Variants in NEK11 observed in about 807,000 individuals in gnomAD.
The protein encoded by NEK11 is serine/threonine-protein kinase Nek11.
NEK11 carries 72 observed loss-of-function variants against 80.7 expected under a neutral mutation model. The ratio of observed to expected loss-of-function variants is 0.89; its 90% CI spans 0.74 to 1.08. The LOEUF (loss-of-function observed/expected upper bound fraction) is 1.08. Among genes scored for constraint, NEK11 ranks in the 50% least tolerant of loss-of-function variants. The pLI, the probability that NEK11 is intolerant of heterozygous loss-of-function variation, is 0.00. For synonymous variants in NEK11, 251 were observed against 260.7 expected (o/e 0.96, Z 0.36); for missense variants, 764 against 763.6 (o/e 1.00, Z -0.01).
intron 4 of NEK11, chr3:131,109,502 A>C (rs998644933): frequency 2.0e-5 from 4 of 195,602 alleles, no homozygotes; most frequent in African/African-American, 9.3e-5. Flanking sequence ...GAGTTTTCTC[A>C]GGTAGGAACT....
chr3:131,236,480 C>A (rs1011214505), intron 15 of NEK11, among the ~76,000 whole-genome samples: 1 of 152,196 alleles, frequency 6.6e-6, no homozygotes. Context: ...AGCAATCCCA[C>A]AGGCATTGAC....
chr3:131,058,516 G>A (rs1285657949), intron 3 of NEK11, among the ~76,000 whole-genome samples: 1 of 152,084 alleles, frequency 6.6e-6, no homozygotes, highest in Non-Finnish European at 1.5e-5. Flanking sequence ...GGACATTGAG[G>A]AATCTCCCCT....
intron 14 of NEK11, among the ~76,000 whole-genome samples, chr3:131,215,787 G>A (rs1024159659): frequency 6.6e-6 from 1 of 152,152 alleles, no homozygotes; most frequent in African/African-American, 2.4e-5. Flanking sequence ...ATGGTAGATG[G>A]TGTGCTGGCC....
chr3:131,046,821 G>A (rs566747514), intron 3 of NEK11, among the ~76,000 whole-genome samples: 8 of 152,208 alleles, frequency 5.3e-5, no homozygotes, highest in Non-Finnish European at 1.2e-4. Context: ...TGAGCTTCTC[G>A]TATTTGGATG....
chr3:131,100,314 G>C (rs1274141743), intron 4 of NEK11, among the ~76,000 whole-genome samples: 4 of 152,134 alleles, frequency 2.6e-5, no homozygotes, highest in Non-Finnish European at 5.9e-5. Flanking sequence ...AGGCCTACTT[G>C]GGCCAGGCAT....
At chr3:131,326,830 CTT>C (rs1282459240) in intron 17 of NEK11, among the ~76,000 whole-genome samples, 1 of 152,190 alleles carries the variant, frequency 6.6e-6, no homozygotes, top group African/African-American at 2.4e-5. Context: ...CATATGGAAA[CTT>C]AATCTTCATT....
intron 15 of NEK11, among the ~76,000 whole-genome samples, chr3:131,236,948 G>C (rs1458078075): frequency 6.6e-6 from 1 of 152,188 alleles, no homozygotes; most frequent in Admixed American, 6.5e-5. Context: ...AGGTCACCTT[G>C]GTGTTTTGGT....
intron 14 of NEK11, among the ~76,000 whole-genome samples, chr3:131,195,571 T>C (rs1244302738): frequency 1.3e-5 from 2 of 151,936 alleles, no homozygotes; most frequent in East Asian, 3.9e-4. Flanking sequence ...ATAAATTAGA[T>C]CTCATGTGTT....
intron 3 of NEK11, among the ~76,000 whole-genome samples, chr3:131,030,204 C>T (rs528653563): frequency 3.8e-4 from 57 of 151,666 alleles, no homozygotes; most frequent in African/African-American, 1.3e-3. Flanking sequence ...ATGCCACTGC[C>T]CTCCAGCCTG....
chr3:131,109,739 T>A (rs759743303), intron 4 of NEK11, 64 bp from the exon 5 acceptor site: 39 of 1,497,886 alleles, frequency 2.6e-5, no homozygotes, highest in Non-Finnish European at 3.3e-5. Context: ...TTAACTGTTG[T>A]TAAGTGAACT....
chr3:131,215,637 A>G (rs2094809230), intron 14 of NEK11, among the ~76,000 whole-genome samples: 2 of 152,270 alleles, frequency 1.3e-5, no homozygotes, highest in South Asian at 2.1e-4. Context: ...TTGATATGGC[A>G]CTCAGTTACA....
intron 4 of NEK11, among the ~76,000 whole-genome samples, chr3:131,085,422 T>A (rs2149082776): frequency 6.6e-6 from 1 of 152,286 alleles, no homozygotes; most frequent in East Asian, 1.9e-4. Context: ...TTTAATGAAT[T>A]TTCAGGTAGG....
At chr3:131,262,210 A>G (rs2095937805) in intron 16 of NEK11, among the ~76,000 whole-genome samples, 2 of 152,118 alleles carry the variant, frequency 1.3e-5, no homozygotes, top group African/African-American at 4.8e-5. Context: ...AAAGACAAAA[A>G]TCACTGAAAC....
At chr3:131,236,561 G>A (rs975974906) in intron 15 of NEK11, among the ~76,000 whole-genome samples, 2 of 152,176 alleles carry the variant, frequency 1.3e-5, no homozygotes, top group African/African-American at 2.4e-5. Flanking sequence ...AGTAAACAAG[G>A]CATTAGCAGT....
In NEK11 at chr3:131,029,784, G is replaced by T; in HGVS notation, c.76G>T (p.Ala26Ser). 1 of 1,614,194 alleles carries T rather than the reference G, an allele frequency of 6.2e-7. No individual in the cohort carries two copies. The highest frequency in any genetic ancestry group is 8.5e-7 in the Non-Finnish European group (1 of 1,180,000). ...AISTYPKTLI[A>S]RRYVLQQKLG... Reference sequence around the variant, plus strand: ...TTCCACTTATCCAAAGACCTTGATTGCAAGAAGATACGTGCTTCAACAAAA... The same window carrying T: ...TTCCACTTATCCAAAGACCTTGATTTCAAGAAGATACGTGCTTCAACAAAA... The change falls in exon 3 of 18, where the codon GCA becomes TCA. Residue 26 changes from alanine (A) to serine (S), a missense_variant. By Grantham distance (99) the Ala-to-Ser change is moderately conservative. Coordinates refer to ENST00000383366, the MANE Select transcript of NEK11 (RefSeq NM_024800.5).
intron 10 of NEK11, 130 bp from the exon 11 acceptor site, chr3:131,162,278 A>T (rs2091693181): frequency 1.8e-6 from 2 of 1,085,628 alleles, no homozygotes; most frequent in Non-Finnish European, 2.6e-6. Context: ...AAAGCTTATT[A>T]GTTTTTGCCT....
At chr3:131,080,906 G>A (rs1560304154) in intron 4 of NEK11, among the ~76,000 whole-genome samples, 1 of 152,032 alleles carries the variant, frequency 6.6e-6, no homozygotes, top group African/African-American at 2.4e-5. Context: ...CCAGGAGTTC[G>A]AGACCAGACT....
At chr3:131,213,583 G>C (rs1381557361) in intron 14 of NEK11, among the ~76,000 whole-genome samples, 1 of 152,190 alleles carries the variant, frequency 6.6e-6, no homozygotes, top group Non-Finnish European at 1.5e-5. Flanking sequence ...TCCTTCAGCT[G>C]TGGTGGTCTT....
At chr3:131,065,767 G>A (rs1052688153) in intron 3 of NEK11, among the ~76,000 whole-genome samples, 2 of 152,150 alleles carry the variant, frequency 1.3e-5, no homozygotes, top group African/African-American at 4.8e-5. Context: ...TTTCCAGCTC[G>A]TGTTTCAGCT....
Sources: gnomAD v4.1 joint callset for allele counts (sites outside exome capture counted in the v4.1 genomes callset) on GRCh38, gnomAD v4.1.1 for gene constraint, MANE v1.5 for transcripts, NCBI Gene and HGNC (gene_info 2026-07-23, HGNC 2026-07-21) for gene names.